Variants in KIF18A observed in about 807,000 individuals in gnomAD.
The protein encoded by KIF18A is kinesin family member 18A.
Under a neutral mutation model 103.3 loss-of-function variants are expected in KIF18A, and 67 were observed. The observed-to-expected ratio is 0.65, with a 90% confidence interval of 0.53 to 0.79. The LOEUF (loss-of-function observed/expected upper bound fraction) is 0.79, where lower values mean the gene tolerates loss of function less well. KIF18A is among the 30% of genes least tolerant of loss of function. The pLI, the probability that KIF18A is intolerant of heterozygous loss-of-function variation, is 0.00. For synonymous variants in KIF18A, 367 were observed against 355.5 expected, an observed-to-expected ratio of 1.03 and a Z score of -0.36; for missense variants, 1,032 against 1,062.5, an observed-to-expected ratio of 0.97 and a Z score of 0.40.
intron 1 of KIF18A, among the ~76,000 whole-genome samples, chr11:28,101,955 A>G (rs1851451016): frequency 6.6e-6 from 1 of 151,992 alleles, no homozygotes; most frequent in African/African-American, 2.4e-5. Flanking sequence ...GTTTTATTTG[A>G]CCCCGTATAT....
chr11:28,044,203 T>C (rs1850599559), intron 13 of KIF18A, among the ~76,000 whole-genome samples: 1 of 152,076 alleles, frequency 6.6e-6, no homozygotes. Flanking sequence ...GGGGCCAACA[T>C]GCACAGCTGA....
intron 15 of KIF18A, among the ~76,000 whole-genome samples, chr11:28,027,487 C>A (rs1850336052): frequency 6.6e-6 from 1 of 151,786 alleles, no homozygotes; most frequent in Non-Finnish European, 1.5e-5. Flanking sequence ...GCCATCATCT[C>A]AAATATTACT....
chr11:28,098,538 C>G (rs1272760959), intron 1 of KIF18A, among the ~76,000 whole-genome samples: 1 of 152,110 alleles, frequency 6.6e-6, no homozygotes, highest in Non-Finnish European at 1.5e-5. Context: ...CTACCTGTAT[C>G]TCAGAAGCCC....
chr11:28,106,773 C>G (rs191447531), intron 1 of KIF18A, among the ~76,000 whole-genome samples: 1 of 152,124 alleles, frequency 6.6e-6, no homozygotes, highest in Admixed American at 6.5e-5. Flanking sequence ...GAGTTCGAGA[C>G]CAGCCTGGCC....
chr11:28,084,485 G>A (rs773551076), intron 7 of KIF18A, 147 bp downstream of exon 7: 33 of 408,800 alleles, frequency 8.1e-5, no homozygotes, highest in Non-Finnish European at 1.2e-4. Flanking sequence ...ATTAATGTTC[G>A]ACTAAGCAGG....
chr11:28,059,854 G>C (rs1331568137), intron 12 of KIF18A, among the ~76,000 whole-genome samples: 5 of 151,928 alleles, frequency 3.3e-5, no homozygotes, highest in African/African-American at 1.2e-4. Flanking sequence ...TATGTGAAAT[G>C]ATGAGACATA....
chr11:28,086,769 T>C (rs1269130748), intron 6 of KIF18A, among the ~76,000 whole-genome samples: 1 of 152,284 alleles, frequency 6.6e-6, no homozygotes, highest in East Asian at 1.9e-4. Context: ...AAGACATATA[T>C]TAAACATTGA....
At chr11:28,072,473 A>AC (rs1851032404) in intron 10 of KIF18A, among the ~76,000 whole-genome samples, 2 of 152,174 alleles carry the variant, frequency 1.3e-5, no homozygotes, top group South Asian at 4.1e-4. Context: ...TATTGGAGAG[A>AC]ATCCAAAACA....
intron 15 of KIF18A, among the ~76,000 whole-genome samples, chr11:28,033,052 A>G (rs1395677077): frequency 6.6e-6 from 1 of 151,732 alleles, no homozygotes; most frequent in African/African-American, 2.4e-5. Context: ...AAATGGGCAA[A>G]AGAATAGACA....
chr11:28,043,660 C>T (rs746420650), intron 13 of KIF18A, among the ~76,000 whole-genome samples: 10 of 141,460 alleles, frequency 7.1e-5, no homozygotes, highest in Non-Finnish European at 1.4e-4. Context: ...AGGTAGTATA[C>T]AGTATGATCC....
In KIF18A at chr11:28,021,210, T is replaced by C. The variant is rs758487060; in HGVS notation, c.2687A>G (p.Asn896Ser). 1 of 1,508,978 alleles carries C rather than the reference T, an allele frequency of 6.6e-7. No homozygotes were observed. The allele number at this position is 1,508,978 out of a possible 1,614,324, so 93.5% of individuals were successfully genotyped here. A position where few individuals can be genotyped will look rare whatever the true frequency, so the allele number is the denominator to read the frequency against. ...TGGTTTTGAAGTGATTTATCTTAGA[T>C]TTCCTTTTGAAATATTTCTTCCAAA... ...RKFGRNISKG[N>S]LR Residue 896 changes from asparagine to serine, a missense_variant, in exon 17 of 17, where the codon AAT (asparagine) becomes AGT (serine). Physicochemically the swap from Asn to Ser is conservative, Grantham distance 46 (BLOSUM62 1). Coordinates refer to ENST00000263181, the MANE Select transcript of KIF18A (RefSeq NM_031217.4).
chr11:28,094,164 A>G (rs745349557), intron 3 of KIF18A, among the ~76,000 whole-genome samples: 1 of 152,194 alleles, frequency 6.6e-6, no homozygotes, highest in Non-Finnish European at 1.5e-5. Context: ...AGACTAAGAT[A>G]TAACAACTGA....
chr11:28,068,067 T>C (rs1347114494), intron 11 of KIF18A, among the ~76,000 whole-genome samples: 2 of 152,132 alleles, frequency 1.3e-5, no homozygotes, highest in Non-Finnish European at 1.5e-5. Flanking sequence ...ATTGCACATA[T>C]ATACCATGCA....
intron 1 of KIF18A, among the ~76,000 whole-genome samples, chr11:28,107,466 G>A (rs1851543448): frequency 6.6e-6 from 1 of 151,916 alleles, no homozygotes. Flanking sequence ...CAGAGCATTT[G>A]CCAAACAGTA....
chr11:28,059,151 C>T lies in KIF18A; in HGVS notation c.1723G>A (p.Ala575Thr), dbSNP rs778123882. The change falls in exon 13 of 17, where the codon GCT (alanine) becomes ACT (threonine). Residue 575 changes from alanine (A) to threonine (T), a missense_variant. Physicochemically the swap from Ala to Thr is moderately conservative, Grantham distance 58. Coordinates refer to ENST00000263181, the MANE Select transcript of KIF18A (RefSeq NM_031217.4). ...QHRQTEAVLN[A>T]LLPTLRKQYC... ...TGTTTTCTTAGGGTTGGAAGTAAAG[C>T]ATTCAATACTCTATATACAGAAGAT... The T allele has an allele frequency of 1.2e-6, 2 of 1,605,090 alleles. No homozygotes were observed. The highest frequency in any genetic ancestry group is 1.7e-6 in the Non-Finnish European group (2 of 1,171,880).
chr11:28,031,454 T>G (rs1348817707), intron 15 of KIF18A, among the ~76,000 whole-genome samples: 1 of 152,070 alleles, frequency 6.6e-6, no homozygotes, highest in African/African-American at 2.4e-5. Flanking sequence ...CACCGCATGT[T>G]CTCACTCATA....
intron 9 of KIF18A, 117 bp downstream of exon 9, chr11:28,082,739 T>C (rs1851181011): frequency 1.7e-6 from 1 of 600,770 alleles, no homozygotes; most frequent in Admixed American, 3.3e-5. Flanking sequence ...TATAAAATTA[T>C]AAACATACAT....
Position 28,072,360 on chromosome 11 carries a change from C to T in KIF18A, c.1426-2937G>A, listed in dbSNP as rs1008831102. Among the ~76,000 whole-genome samples the T allele has an allele frequency of 4.6e-5, 7 of 152,032 alleles. No individual in the cohort carries two copies. In the East Asian group the frequency reaches 1.3e-3, roughly 29 times the overall value. ...ATTTTTATGGGGTCATGAAATTACC[C>T]AGGAGCTTCCCTTTAATAGTAATTT... On this transcript the variant is annotated intron_variant, in intron 10 of 16. Transcript: ENST00000263181.
chr11:28,094,588 T>C (rs1851344470), intron 3 of KIF18A, 55 bp downstream of exon 3: 11 of 1,216,550 alleles, frequency 9.0e-6, no homozygotes, highest in South Asian at 2.7e-5. Flanking sequence ...ATCATTTGTA[T>C]GAATCATGTC....
Sources: allele counts gnomAD v4.1 joint callset (sites outside exome capture counted in the v4.1 genomes callset), GRCh38; gene constraint gnomAD v4.1.1; transcripts MANE v1.5; gene names NCBI Gene and HGNC (gene_info 2026-07-23, HGNC 2026-07-21).